The following COL18A1 variants were observed in gnomAD, a reference collection of about 807,000 sequenced individuals.
The protein encoded by COL18A1 is collagen type XVIII alpha 1 chain, also known as collagen alpha-1(XVIII) chain.
COL18A1 carries 133 observed loss-of-function variants against 168.0 expected under a neutral mutation model. The observed-to-expected ratio is 0.79, with a 90% confidence interval of 0.69 to 0.91. The LOEUF is 0.91. Among genes scored for constraint, COL18A1 ranks in the 40% least tolerant of loss-of-function variants. The pLI is 0.00. For synonymous variants in COL18A1, 949 were observed against 809.0 expected, an observed-to-expected ratio of 1.17 and a Z score of -2.94; for missense variants, 2,126 against 1,925.4, an observed-to-expected ratio of 1.10 and a Z score of -1.95.
chr21:45,477,914 A>G lies in COL18A1; in HGVS notation c.1170A>G (p.Gly390=). The change falls in exon 8 of 42, where the codon GGA becomes GGG. Residue 390 remains glycine (G), a synonymous_variant. Transcript: ENST00000651438. ...PALQTVPGPQ[G]PPGPPGRDGT... is the part of the protein sequence containing the mutation. ...TGCAAACTGTCCCCGGACCACAAGG[A>G]CCCCCAGGGCCTCCGGGGAGGGACG... The G allele has an allele frequency of 6.4e-7, 1 of 1,563,996 alleles. No individual in the cohort carries two copies. The highest frequency in any genetic ancestry group is 8.7e-7 in the Non-Finnish European group (1 of 1,154,880).
intron 2 of COL18A1, chr21:45,467,278 C>A: frequency 1.0e-6 from 1 of 985,450 alleles, no homozygotes; most frequent in Non-Finnish European, 1.2e-6. Flanking sequence ...GAGGGATGGA[C>A]AGGGCTCCTT....
At chr21:45,477,585 C>A in intron 7 of COL18A1, 98 bp downstream of exon 7, 1 of 1,324,252 alleles carries the variant, frequency 7.6e-7, no homozygotes, top group Non-Finnish European at 1.1e-6. Flanking sequence ...CCCCTCTGTG[C>A]CCGTGCCTCC....
rs1053433284 is a variant in COL18A1, at chr21:45,457,755, C to A, written c.107-10487C>A. Among the ~76,000 whole-genome samples the A allele has an allele frequency of 5.9e-5, 9 of 152,190 alleles. No homozygotes were observed. Among genetic ancestry groups the A allele is most frequent in the African/African-American group, 2.2e-4 (9 of 41,448 alleles). On this transcript the variant is annotated intron_variant, in intron 2 of 41. Coordinates refer to ENST00000651438, the MANE Select transcript of COL18A1 (RefSeq NM_001379500.1). The surrounding 1 kb of genome is among the most constrained non-coding windows in gnomAD (Gnocchi z 4.6). ...CCCGCAGGGTGAGGTGCTCTGTCCT[C>A]CTCTGCTGTCCTCCCCATAGTGCCG...
chr21:45,478,062 C>G (rs2035745792), intron 8 of COL18A1, 97 bp downstream of exon 8: 1 of 781,876 alleles, frequency 1.3e-6, no homozygotes, highest in Non-Finnish European at 2.1e-6. Context: ...GTGAGCTGAG[C>G]TGGGATCGGG....
chr21:45,501,878 G>A (rs1346694004), intron 32 of COL18A1, among the ~76,000 whole-genome samples: 2 of 111,890 alleles, frequency 1.8e-5, no homozygotes, highest in African/African-American at 3.5e-5. Flanking sequence ...CTTCAAAGCC[G>A]GTCACCTCCC....
intron 2 of COL18A1, among the ~76,000 whole-genome samples, chr21:45,439,442 T>G (rs1322116378): frequency 6.6e-6 from 1 of 152,216 alleles, no homozygotes; most frequent in African/African-American, 2.4e-5. Flanking sequence ...CCTTTACGTA[T>G]CGCAACGTGT....
At chr21:45,455,611 C>A (rs753936486) in intron 2 of COL18A1, 14 of 1,613,874 alleles carry the variant, frequency 8.7e-6, no homozygotes, top group South Asian at 1.1e-5. Context: ...ACCTGCTGAA[C>A]CTGAACTGGC....
chr21:45,479,800 C>T, intron 9 of COL18A1, 102 bp from the exon 10 acceptor site: 1 of 1,525,314 alleles, frequency 6.6e-7, no homozygotes. Flanking sequence ...CTGAAGGGCT[C>T]AGCTCCCGTC....
intron 29 of COL18A1, chr21:45,496,093 C>A: frequency 2.7e-6 from 1 of 367,172 alleles, no homozygotes. Context: ...GCCCTCTATG[C>A]CCTCCATGCC....
chr21:45,493,166 C>T lies in COL18A1; in HGVS notation c.2218C>T (p.Pro740Ser), dbSNP rs1462434192. 2 of 1,557,882 alleles carry T rather than the reference C, an allele frequency of 1.3e-6. No individual in the cohort carries two copies. Among genetic ancestry groups the T allele is most frequent in the East Asian group, 2.4e-5 (1 of 41,560 alleles). The change falls in exon 25 of 42, where the codon CCT becomes TCT. Residue 740 changes from proline (P) to serine (S), a missense_variant. Coordinates refer to ENST00000651438, the MANE Select transcript of COL18A1 (RefSeq NM_001379500.1). ...GRPGFAGFPG[P>S]AGPKGNLGSK... ...CACGGCCTGGCCTCCATTCCAGGGACCTGCAGGACCCAAGGGCAACCTGGG... is the reference window on the plus strand; with the variant it reads ...CACGGCCTGGCCTCCATTCCAGGGATCTGCAGGACCCAAGGGCAACCTGGG...
intron 32 of COL18A1, among the ~76,000 whole-genome samples, chr21:45,503,742 T>C (rs1000260835): frequency 6.6e-6 from 1 of 152,038 alleles, no homozygotes; most frequent in Admixed American, 6.5e-5. Flanking sequence ...CATATGTAAC[T>C]AACCTGCACA....
At chr21:45,490,181 C>G (rs865928182) in intron 19 of COL18A1, 94 bp from the exon 20 acceptor site, 3 of 1,030,552 alleles carry the variant, frequency 2.9e-6, no homozygotes, top group Admixed American at 2.0e-5. Context: ...TCCAGGCCAT[C>G]GCCACGTCCA....
rs541349881 is a variant in COL18A1, at chr21:45,486,032, A to G, written c.1702-829A>G. Among the ~76,000 whole-genome samples, 99 of 152,224 alleles carry G rather than the reference A, an allele frequency of 6.5e-4. 1 individual carries two copies. The highest frequency in any genetic ancestry group is 2.3e-3 in the African/African-American group (96 of 41,548). The stretch of plus-strand genomic sequence containing the variant: ...TTCAGCTGGGCCACGTCACAGCGGG[A>G]CCCCTGCCTCAGGGCCTCCCTCCCT... On this transcript the variant is annotated intron_variant, in intron 15 of 41. Transcript: ENST00000651438.
At chr21:45,495,053 G>A in intron 28 of COL18A1, 138 bp downstream of exon 28, 1 of 784,636 alleles carries the variant, frequency 1.3e-6, no homozygotes. Flanking sequence ...AACCGGCCCT[G>A]CCTGAGCGCA....
At chr21:45,411,759 CG>C (rs1437966551) in intron 2 of COL18A1, among the ~76,000 whole-genome samples, 174 of 7,570 alleles carry the variant, frequency 0.023, 3 homozygotes, top group Non-Finnish European at 0.035. Context: ...GGGCTGATGG[CG>C]GGGGGTGGGG....
In COL18A1 at chr21:45,512,613, T is replaced by A. The variant is rs2037677503; in HGVS notation, c.*215T>A. The A allele has an allele frequency of 6.6e-6, 4 of 604,036 alleles. No homozygotes were observed. The African/African-American group carries it at 7.4e-5, about 11-fold the overall frequency. The allele number at this position is 604,036 out of a possible 1,614,324, so 37.4% of individuals were successfully genotyped here. The stretch of plus-strand genomic sequence containing the variant: ...CAGAAGCCTGATGCTGACATTCACC[T>A]GCCCCAACTCTCCCCTGACCTGTGA... On this transcript the variant is annotated 3_prime_UTR_variant, in exon 42 of 42. Transcript: ENST00000651438.
At chr21:45,432,998 A>G (rs1471645107) in intron 2 of COL18A1, among the ~76,000 whole-genome samples, 27 of 152,250 alleles carry the variant, frequency 1.8e-4, no homozygotes, top group Admixed American at 1.8e-3. Flanking sequence ...TTTTCCTAGA[A>G]TAAGTATGAG....
At chr21:45,464,934 C>T (rs1164896473) in intron 2 of COL18A1, among the ~76,000 whole-genome samples, 4 of 152,194 alleles carry the variant, frequency 2.6e-5, no homozygotes, top group Non-Finnish European at 5.9e-5. Flanking sequence ...CATGGCTCTG[C>T]CCACCACAGT....
chr21:45,448,228 C>A (rs1026211592), intron 2 of COL18A1, among the ~76,000 whole-genome samples: 4 of 152,226 alleles, frequency 2.6e-5, no homozygotes, highest in African/African-American at 7.2e-5. Flanking sequence ...ATTCGACTCA[C>A]AAGCAAACAC....
Sources: gnomAD v4.1 joint callset for allele counts (sites outside exome capture counted in the v4.1 genomes callset) on GRCh38, gnomAD v4.1.1 for gene constraint, Gnocchi (gnomAD v3.1) non-coding constraint, MANE v1.5 for transcripts, NCBI Gene and HGNC (gene_info 2026-07-23, HGNC 2026-07-21) for gene names.